The following CACNA1D variants were observed in gnomAD, a reference collection of about 807,000 sequenced individuals.
CACNA1D encodes voltage-dependent L-type calcium channel subunit alpha-1D.
Under a neutral mutation model 257.1 loss-of-function variants are expected in CACNA1D, and 55 were observed. The observed-to-expected ratio is 0.21, with a 90% CI of 0.17 to 0.27. The LOEUF is 0.27. CACNA1D is among the 10% of genes least tolerant of loss of function. CACNA1D has a pLI of 1.00. For synonymous variants in CACNA1D, 980 were observed against 1,014.9 expected (o/e 0.97, Z 0.65); for missense variants, 1,876 against 2,784.0 (o/e 0.67, Z 7.34).
intron 3 of CACNA1D, among the ~76,000 whole-genome samples, chr3:53,609,675 C>T (rs2093558820): frequency 6.6e-6 from 1 of 152,138 alleles, no homozygotes; most frequent in Admixed American, 6.5e-5. Context: ...ATCAGTCTAG[C>T]TGGAAATTTC....
rs752020890 is a variant in CACNA1D, at chr3:53,751,365, C to T, written c.3517-384C>T. On this transcript the variant is annotated intron_variant, in intron 27 of 47. Coordinates refer to ENST00000350061, the MANE Select transcript of CACNA1D (RefSeq NM_001128840.3). This position sits in a 1 kb window ranked among gnomAD's most constrained non-coding sequence, Gnocchi z 4.3. ...AGGTGTGATCCACCTATAGATCCCC[C>T]GTATGTGTGATAAAGAGGAAAGGCA... Among the ~76,000 whole-genome samples the T allele has an allele frequency of 6.6e-6, 1 of 152,202 alleles. No homozygotes were observed. The highest frequency in any genetic ancestry group is 6.5e-5 in the Admixed American group (1 of 15,284).
At chr3:53,779,119 C>T (rs1018428939) in intron 37 of CACNA1D, among the ~76,000 whole-genome samples, 2 of 151,996 alleles carry the variant, frequency 1.3e-5, no homozygotes, top group Non-Finnish European at 2.9e-5. Flanking sequence ...GGCAACAAAG[C>T]GAGACCTCAT....
chr3:53,504,465 G>A (rs1208225742), intron 3 of CACNA1D, among the ~76,000 whole-genome samples: 1 of 152,118 alleles, frequency 6.6e-6, no homozygotes, highest in African/African-American at 2.4e-5. Context: ...GACTACCTTG[G>A]GGGGCAGAAG....
At chr3:53,617,205 C>A (rs979649805) in intron 3 of CACNA1D, among the ~76,000 whole-genome samples, 10 of 152,180 alleles carry the variant, frequency 6.6e-5, no homozygotes, top group African/African-American at 2.2e-4. Context: ...TCCCATACCT[C>A]TGTGTAGGGC....
intron 3 of CACNA1D, among the ~76,000 whole-genome samples, chr3:53,594,189 G>A (rs566481769): frequency 1.3e-5 from 2 of 152,322 alleles, no homozygotes; most frequent in African/African-American, 2.4e-5. Flanking sequence ...TCGTCTTAGC[G>A]ACAAAAGTTA....
rs115404012 is a variant in CACNA1D at position 53,755,525 on chromosome 3, A to G, written c.3786+1843A>G. On this transcript the variant is annotated intron_variant, in intron 29 of 47. Coordinates refer to ENST00000350061, the MANE Select transcript of CACNA1D (RefSeq NM_001128840.3). The stretch of plus-strand genomic sequence containing the variant: ...CCAAAGGGAAGTGAGTAGCTAAGCT[A>G]TAATCAGTACTGATAGATCGGAGTT... Among the ~76,000 whole-genome samples the G allele has an allele frequency of 1.0e-2, 1,523 of 152,352 alleles. 30 individuals are homozygous for G. Among genetic ancestry groups the G allele is most frequent in the African/African-American group, 0.034 (1,404 of 41,582 alleles).
intron 30 of CACNA1D, chr3:53,762,624 C>T (rs1257308472): frequency 2.2e-6 from 1 of 456,640 alleles, no homozygotes; most frequent in Non-Finnish European, 4.4e-6. Context: ...ATTGCTATAA[C>T]TGAAGTGAAT....
In CACNA1D at chr3:53,677,841, T is replaced by A. The variant is rs141811291; in HGVS notation, c.1220+4715T>A. Among the ~76,000 whole-genome samples the A allele has an allele frequency of 1.7e-4, 26 of 152,350 alleles. No homozygotes were observed. In the East Asian group the frequency reaches 2.9e-3, roughly 17 times the overall value. On this transcript the variant is annotated intron_variant, in intron 8 of 47. Coordinates refer to ENST00000350061, the MANE Select transcript of CACNA1D (RefSeq NM_001128840.3). ...AGTCTTGAATGTTTGTTCTACCTTTTCCAGTTGTGAGATTTGGGGCAAGTT... is the reference window on the plus strand; with the variant it reads ...AGTCTTGAATGTTTGTTCTACCTTTACCAGTTGTGAGATTTGGGGCAAGTT...
intron 7 of CACNA1D, among the ~76,000 whole-genome samples, chr3:53,669,004 C>T (rs1044486799): frequency 2.6e-5 from 4 of 152,154 alleles, no homozygotes; most frequent in Non-Finnish European, 4.4e-5. Flanking sequence ...ACCCCCTGGC[C>T]TAGACTAGAA....
chr3:53,664,995 G>A (rs1406249158), intron 5 of CACNA1D, among the ~76,000 whole-genome samples: 1 of 152,186 alleles, frequency 6.6e-6, no homozygotes, highest in African/African-American at 2.4e-5. Flanking sequence ...AGATGTCCCA[G>A]TAGATAACCT....
At chr3:53,758,799 T>A (rs2095282604) in intron 29 of CACNA1D, among the ~76,000 whole-genome samples, 1 of 152,104 alleles carries the variant, frequency 6.6e-6, no homozygotes, top group Non-Finnish European at 1.5e-5. Context: ...GGAGAACACA[T>A]CATCATAGGC....
rs546565939 is a variant in CACNA1D, at chr3:53,510,369, C to T, written c.483+8649C>T. Among the ~76,000 whole-genome samples, 7 of 152,304 alleles carry T rather than the reference C, an allele frequency of 4.6e-5. No individual in the cohort carries two copies. In the East Asian group the frequency reaches 1.3e-3, roughly 29 times the overall value. On this transcript the variant is annotated intron_variant, in intron 3 of 47. Transcript: ENST00000350061. The stretch of plus-strand genomic sequence containing the variant: ...TTTCCCACTCAATAGACCTTACAGA[C>T]CTTTCCATATCTGTATGCAGAAATC...
chr3:53,603,731 C>A (rs953486902), intron 3 of CACNA1D, among the ~76,000 whole-genome samples: 1 of 152,174 alleles, frequency 6.6e-6, no homozygotes. Context: ...CTCCCCAGAA[C>A]AATGATGCCT....
intron 8 of CACNA1D, among the ~76,000 whole-genome samples, chr3:53,700,622 T>A (rs1158042644): frequency 6.6e-6 from 1 of 152,154 alleles, no homozygotes; most frequent in Non-Finnish European, 1.5e-5. Flanking sequence ...CTGGAGTCCT[T>A]ACTTCTTTGA....
At chr3:53,510,579 G>A (rs2091064488) in intron 3 of CACNA1D, among the ~76,000 whole-genome samples, 2 of 152,222 alleles carry the variant, frequency 1.3e-5, no homozygotes, top group Non-Finnish European at 2.9e-5. Flanking sequence ...TGACAACTCA[G>A]AAGTAAACTC....
rs72556365 is a variant in CACNA1D, at chr3:53,808,864, G to T, written c.5871+94G>T. The T allele has an allele frequency of 1.7e-3, 2,191 of 1,302,740 alleles. 23 individuals are homozygous for T. The African/African-American group carries it at 0.028, about 17-fold the overall frequency. 80.7% of individuals were successfully genotyped at this position (1,302,740 alleles called of 1,614,324 possible). ...CCCTTCTCCTTGGCCTTAAGCACCA[G>T]GAGGGAAGGAGAGAATCTTCACCTA... On this transcript the variant is annotated intron_variant, in intron 46 of 47. Coordinates refer to ENST00000350061, the MANE Select transcript of CACNA1D (RefSeq NM_001128840.3).
rs715781 is a variant in CACNA1D at position 53,588,576 on chromosome 3, G to A, written c.484-62203G>A. ...TGACTGACAGATCTGTGCCCCTTGT[G>A]TCAGTGTCTCTAGCTGCGACAGACA... is the stretch of plus-strand genomic sequence containing the variant. On this transcript the variant is annotated intron_variant, in intron 3 of 47. Coordinates refer to ENST00000350061, the MANE Select transcript of CACNA1D (RefSeq NM_001128840.3). Among the ~76,000 whole-genome samples, 1,064 of 152,252 alleles carry A rather than the reference G, an allele frequency of 7.0e-3. 31 individuals carry two copies. In the East Asian group the frequency reaches 0.094, roughly 14 times the overall value.
intron 3 of CACNA1D, among the ~76,000 whole-genome samples, chr3:53,595,150 AT>A (rs1405003971): frequency 6.6e-6 from 1 of 152,202 alleles, no homozygotes; most frequent in Non-Finnish European, 1.5e-5. Context: ...CACAACTCTT[AT>A]AAACAGCTGT....
chr3:53,770,462 C>T lies in CACNA1D; in HGVS notation c.3954C>T (p.Phe1318=), dbSNP rs17053501. The T allele has an allele frequency of 0.031, 50,023 of 1,613,542 alleles. 1,004 individuals carry two copies. Among genetic ancestry groups the T allele is most frequent in the Middle Eastern group, 0.081 (490 of 6,060 alleles). ...EESNRISITF[F]RLFRVMRLVK... ...GCAATAGAATCTCCATCACCTTTTT[C>T]CGTCTTTTCCGAGTGATGCGATTGG... Residue 1318 remains phenylalanine, a synonymous_variant, in exon 32 of 48, where the codon TTC becomes TTT. Coordinates refer to ENST00000350061, the MANE Select transcript of CACNA1D (RefSeq NM_001128840.3).
Sources: gnomAD v4.1 joint callset for allele counts (sites outside exome capture counted in the v4.1 genomes callset) on GRCh38, gnomAD v4.1.1 for gene constraint, Gnocchi (gnomAD v3.1) non-coding constraint, MANE v1.5 for transcripts, NCBI Gene and HGNC (gene_info 2026-07-23, HGNC 2026-07-21) for gene names.